The following PCDHA11 variants were observed in gnomAD, a reference collection of about 807,000 sequenced individuals.
PCDHA11 encodes protocadherin alpha-11.
A neutral mutation model predicts 70.3 loss-of-function variants in PCDHA11; 61 were observed. The observed-to-expected ratio is 0.87, with a 90% CI of 0.71 to 1.07. The LOEUF (loss-of-function observed/expected upper bound fraction) is 1.07, where lower values mean the gene tolerates loss of function less well. Ranked by LOEUF, PCDHA11 falls within the 50% of genes least tolerant of loss-of-function variation. The probability of loss-of-function intolerance (pLI) is 0.00; values close to 1 mark genes in which losing one functional copy is unlikely to be tolerated. For missense variants in PCDHA11, 1,324 were observed against 1,237.5 expected (o/e 1.07, Z -1.05); for synonymous variants, 633 against 555.1 (o/e 1.14, Z -1.97).
rs1554165077 is a variant in PCDHA11 at position 140,871,071 on chromosome 5, G to C, written c.1968G>C (p.Pro656=). The change falls in exon 1 of 4, where the codon CCG becomes CCC. Residue 656 remains proline (P), a synonymous_variant. Coordinates refer to ENST00000398640, the MANE Select transcript of PCDHA11 (RefSeq NM_018902.5). ...TACTGGTGAAGGATCACGGTGAGCC[G>C]GCGCTGACGGCCACGGCCACCGTGC... ...LLVLVKDHGE[P]ALTATATVLV... The C allele has an allele frequency of 1.2e-6, 2 of 1,613,188 alleles. No homozygotes were observed. The highest frequency in any genetic ancestry group is 2.2e-5 in the East Asian group (1 of 44,864).
intron 1 of PCDHA11, among the ~76,000 whole-genome samples, chr5:140,964,203 C>T (rs2095816993): frequency 6.6e-6 from 1 of 152,212 alleles, no homozygotes; most frequent in African/African-American, 2.4e-5. Context: ...TATACCATCT[C>T]TTTAGTACAA....
intron 3 of PCDHA11, among the ~76,000 whole-genome samples, chr5:141,004,019 A>G (rs2098147783): frequency 6.6e-6 from 1 of 152,244 alleles, no homozygotes; most frequent in South Asian, 2.1e-4. Flanking sequence ...CACTGAAAGA[A>G]GAAACATTTC....
chr5:140,903,275 T>G (rs1313552617), intron 1 of PCDHA11, among the ~76,000 whole-genome samples: 1 of 152,210 alleles, frequency 6.6e-6, no homozygotes, highest in East Asian at 1.9e-4. Context: ...TGAGGTAGTG[T>G]CTCATTGTGC....
At chr5:140,966,703 G>T in intron 1 of PCDHA11, 1 of 1,376,398 alleles carries the variant, frequency 7.3e-7, no homozygotes, top group South Asian at 1.7e-5. Flanking sequence ...CCCGGGCGTG[G>T]GGCACGGCTG....
chr5:140,910,274 G>A (rs1185029668), intron 1 of PCDHA11, among the ~76,000 whole-genome samples: 1 of 152,030 alleles, frequency 6.6e-6, no homozygotes, highest in Non-Finnish European at 1.5e-5. Flanking sequence ...TCACTTCTAG[G>A]AACACCATGA....
chr5:140,967,691 A>G (rs1586235214), intron 1 of PCDHA11: 1 of 1,614,162 alleles, frequency 6.2e-7, no homozygotes, highest in East Asian at 2.2e-5. Flanking sequence ...GCAGCTCTTC[A>G]GCATAGATGC....
At chr5:140,884,569 G>A (rs144735555) in intron 1 of PCDHA11, 2 of 1,614,008 alleles carry the variant, frequency 1.2e-6, no homozygotes, top group East Asian at 2.2e-5. Context: ...CGCATAAGAC[G>A]GACCTCATGG....
rs782478068 is a variant in PCDHA11 at position 140,870,436 on chromosome 5, G to A, written c.1333G>A (p.Ala445Thr). Residue 445 changes from alanine to threonine, a missense_variant, in exon 1 of 4, where the codon GCC (alanine) becomes ACC (threonine). By Grantham distance (58) the Ala-to-Thr change is moderately conservative. Transcript: ENST00000398640. Reference sequence around the variant, plus strand: ...CACGGCCAGGGTATCCGTGGAGGTGGCCGACGTGAACGACAATGCGCCTGC... The same window carrying A: ...CACGGCCAGGGTATCCGTGGAGGTGACCGACGTGAACGACAATGCGCCTGC... ...WATARVSVEV[A>T]DVNDNAPAFA... is the part of the protein sequence containing the mutation. 7 of 1,614,128 alleles carry A rather than the reference G, an allele frequency of 4.3e-6. No homozygotes were observed. The highest frequency in any genetic ancestry group is 5.9e-6 in the Non-Finnish European group (7 of 1,180,058).
chr5:141,000,395 C>CTCTATAAATA (rs1213762225), intron 3 of PCDHA11, among the ~76,000 whole-genome samples: 2 of 53,986 alleles, frequency 3.7e-5, no homozygotes, highest in African/African-American at 1.5e-4. Flanking sequence ...CTCTCTCTCT[C>CTCTATAAATA]TATATATATA....
At position 141,011,465 on chromosome 5, in the gene PCDHA11, G is replaced by A. The variant is rs2098420693; in HGVS notation, c.*1528G>A. ...TGAACTTTAAGCTTTATTGTTGAAT[G>A]TAATTCCATTATATTTCCTTTTGTA... On this transcript the variant is annotated 3_prime_UTR_variant, in exon 4 of 4. Transcript: ENST00000398640. The A allele has an allele frequency of 6.5e-6, 1 of 153,770 alleles. No individual in the cohort carries two copies. The highest frequency in any genetic ancestry group is 2.4e-5 in the African/African-American group (1 of 41,452). The allele number at this position is 153,770 out of a possible 1,614,324, so 9.5% of individuals were successfully genotyped here.
intron 1 of PCDHA11, among the ~76,000 whole-genome samples, chr5:140,922,935 G>A (rs1484457119): frequency 6.6e-6 from 1 of 152,130 alleles, no homozygotes; most frequent in Non-Finnish European, 1.5e-5. Flanking sequence ...TTTACTTCCA[G>A]CAATGGAAAT....
chr5:140,930,769 T>G (rs1373924244), intron 1 of PCDHA11, among the ~76,000 whole-genome samples: 2 of 152,214 alleles, frequency 1.3e-5, no homozygotes, highest in Non-Finnish European at 2.9e-5. Context: ...TTTTCTGTAC[T>G]TAATATTTTC....
In PCDHA11 at chr5:140,871,116, C is replaced by A. The variant is rs200344692; in HGVS notation, c.2013C>A (p.Ser671Arg). Residue 671 changes from serine (S) to arginine (R), a missense_variant, in exon 1 of 4, where the codon AGC becomes AGA. Transcript: ENST00000398640. ...TATVLVSLVE[S>R]GQAPKASSRT... The stretch of plus-strand genomic sequence containing the variant: ...CCGTGCTGGTGTCGTTGGTGGAGAG[C>A]GGACAGGCGCCAAAGGCCTCTTCCC... The A allele has an allele frequency of 4.3e-4, 686 of 1,613,264 alleles. 1 individual carries two copies. Among genetic ancestry groups the A allele is most frequent in the Middle Eastern group, 2.1e-3 (13 of 6,062 alleles).
chr5:140,914,022 C>T (rs1157309436), intron 1 of PCDHA11, among the ~76,000 whole-genome samples: 2 of 152,134 alleles, frequency 1.3e-5, no homozygotes, highest in African/African-American at 2.4e-5. Context: ...GAATGATCCA[C>T]GTGCTGAGAA....
chr5:140,921,051 C>T (rs2079992855), intron 1 of PCDHA11, among the ~76,000 whole-genome samples: 1 of 151,910 alleles, frequency 6.6e-6, no homozygotes, highest in Non-Finnish European at 1.5e-5. Context: ...GCAATCATAG[C>T]TCACTCTAAC....
chr5:140,962,028 C>T (rs1046578713), intron 1 of PCDHA11, among the ~76,000 whole-genome samples: 81 of 152,150 alleles, frequency 5.3e-4, no homozygotes, highest in African/African-American at 1.8e-3. Context: ...GGACTACAGG[C>T]ACCCACCACC....
chr5:140,929,414 A>C, intron 1 of PCDHA11: 1 of 1,504,422 alleles, frequency 6.6e-7, no homozygotes. Flanking sequence ...GCCTTTCACA[A>C]CATTTCATCA....
chr5:140,967,888 G>A, intron 1 of PCDHA11: 1 of 1,614,138 alleles, frequency 6.2e-7, no homozygotes, highest in South Asian at 1.1e-5. Context: ...ATAGCCCAGT[G>A]CCTGAGAATG....
intron 1 of PCDHA11, among the ~76,000 whole-genome samples, chr5:140,904,604 T>C (rs1010462159): frequency 2.0e-5 from 3 of 152,094 alleles, no homozygotes; most frequent in Non-Finnish European, 1.5e-5. Flanking sequence ...CTGGATCAAA[T>C]AGTAGTTTTA....
Sources: gnomAD v4.1 joint callset for allele counts (sites outside exome capture counted in the v4.1 genomes callset) on GRCh38, gnomAD v4.1.1 for gene constraint, MANE v1.5 for transcripts, NCBI Gene and HGNC (gene_info 2026-07-23, HGNC 2026-07-21) for gene names.